Variants in PDCD1LG2 observed in about 807,000 individuals in gnomAD.
PDCD1LG2 encodes the protein programmed cell death 1 ligand 2.
PDCD1LG2 carries 32 observed loss-of-function variants against 28.2 expected under a neutral mutation model. The ratio of observed to expected loss-of-function variants is 1.13; its 90% confidence interval spans 0.86 to 1.52. The LOEUF (loss-of-function observed/expected upper bound fraction) is 1.52, where lower values mean the gene tolerates loss of function less well. Among genes scored for constraint, PDCD1LG2 ranks in the 40% most tolerant of loss-of-function variants. The pLI, the probability that PDCD1LG2 is intolerant of heterozygous loss-of-function variation, is 0.00. For missense variants in PDCD1LG2, 385 were observed against 323.8 expected, an observed-to-expected ratio of 1.19 and a Z score of -1.45; for synonymous variants, 116 against 120.2, an observed-to-expected ratio of 0.97 and a Z score of 0.23.
At chr9:5,532,563 T>C (rs1479446633) in intron 2 of PDCD1LG2, among the ~76,000 whole-genome samples, 1 of 152,222 alleles carries the variant, frequency 6.6e-6, no homozygotes, top group Non-Finnish European at 1.5e-5. Context: ...AGGTACTGGA[T>C]ATATCAAAGC....
At chr9:5,563,258 C>T in intron 6 of PDCD1LG2, 47 bp downstream of exon 6, 1 of 1,504,786 alleles carries the variant, frequency 6.6e-7, no homozygotes, top group Non-Finnish European at 9.2e-7. Flanking sequence ...TCTTTTCTCT[C>T]TCAGCTTGAA....
rs2129872747 is a variant in PDCD1LG2, at chr9:5,549,284, T to C, written c.362-51T>C. On this transcript the variant is annotated intron_variant, in intron 3 of 6. Coordinates refer to ENST00000397747, the MANE Select transcript of PDCD1LG2 (RefSeq NM_025239.4). ...TCACATGGCATGAAGTACCAAGCTCTATAGGAATCAGAAAATAAAGTCTTA... is the reference window on the plus strand; with the variant it reads ...TCACATGGCATGAAGTACCAAGCTCCATAGGAATCAGAAAATAAAGTCTTA... 5 of 1,536,326 alleles carry C rather than the reference T, an allele frequency of 3.3e-6. 1 individual carries two copies. Among genetic ancestry groups the C allele is most frequent in the South Asian group, 1.2e-5 (1 of 82,456 alleles).
intron 1 of PDCD1LG2, among the ~76,000 whole-genome samples, chr9:5,516,360 T>C (rs1439278289): frequency 1.3e-5 from 2 of 151,678 alleles, no homozygotes; most frequent in East Asian, 3.9e-4. Context: ...GAGTCCAGGG[T>C]TTTTACAGGC....
chr9:5,541,746 T>C (rs1264681505), intron 3 of PDCD1LG2, among the ~76,000 whole-genome samples: 4 of 151,962 alleles, frequency 2.6e-5, no homozygotes, highest in Admixed American at 6.5e-5. Context: ...CCATACTTTG[T>C]AGATTGCAAA....
chr9:5,533,503 T>C (rs1267654152), intron 2 of PDCD1LG2, among the ~76,000 whole-genome samples: 2 of 152,200 alleles, frequency 1.3e-5, no homozygotes, highest in African/African-American at 4.8e-5. Context: ...CAGATACTGT[T>C]ATCTACCCGG....
At chr9:5,520,037 C>G (rs1308218254) in intron 1 of PDCD1LG2, among the ~76,000 whole-genome samples, 1 of 152,072 alleles carries the variant, frequency 6.6e-6, no homozygotes, top group Non-Finnish European at 1.5e-5. Flanking sequence ...CAATGCAATC[C>G]CTACCAAAAT....
chr9:5,543,410 G>T (rs1039639676), intron 3 of PDCD1LG2, among the ~76,000 whole-genome samples: 5 of 152,052 alleles, frequency 3.3e-5, no homozygotes, highest in African/African-American at 1.2e-4. Context: ...GTGGTGGCAG[G>T]CACCTGCAGT....
Position 5,534,758 on chromosome 9 carries a change from G to A in PDCD1LG2, c.69G>A (p.Val23=), listed in dbSNP as rs2129791987. The change falls in exon 3 of 7, where the codon GTG becomes GTA. Residue 23 remains valine, a synonymous_variant. Transcript: ENST00000397747. ...QLHQIAALFT[V]TVPKELYIIE... is the part of the protein sequence containing the mutation. ...TTTTCTTTTCAGCTTTATTCACAGT[G>A]ACAGTCCCTAAGGAACTGTACATAA... 6.2e-7 allele frequency: 1 copy of A among 1,600,492 alleles called. No individual in the cohort carries two copies. The highest frequency in any genetic ancestry group is 1.1e-5 in the South Asian group (1 of 90,028).
intron 3 of PDCD1LG2, among the ~76,000 whole-genome samples, chr9:5,543,576 G>C (rs1418192468): frequency 1.4e-5 from 2 of 146,016 alleles, no homozygotes; most frequent in African/African-American, 5.1e-5. Flanking sequence ...TTCACCCTAA[G>C]AAGGAAGAAA....
intron 6 of PDCD1LG2, among the ~76,000 whole-genome samples, chr9:5,564,365 G>A (rs1816623198): frequency 1.3e-5 from 2 of 152,180 alleles, no homozygotes; most frequent in South Asian, 2.1e-4. Flanking sequence ...GTATTTGGAT[G>A]CAATAGCAAT....
chr9:5,516,568 C>T (rs937384905), intron 1 of PDCD1LG2, among the ~76,000 whole-genome samples: 3 of 152,242 alleles, frequency 2.0e-5, no homozygotes, highest in African/African-American at 4.8e-5. Context: ...ACCTGTCTCC[C>T]TCTTGCCATC....
chr9:5,525,950 G>C (rs933194752), intron 2 of PDCD1LG2, among the ~76,000 whole-genome samples: 1 of 151,882 alleles, frequency 6.6e-6, no homozygotes, highest in Admixed American at 6.6e-5. Flanking sequence ...GGGAGTCTGA[G>C]GCAGGAGAAT....
chr9:5,534,333 A>C (rs1741779602), intron 2 of PDCD1LG2, among the ~76,000 whole-genome samples: 1 of 152,238 alleles, frequency 6.6e-6, no homozygotes, highest in South Asian at 2.1e-4. Flanking sequence ...ACATGAGCTC[A>C]GACCTTGATG....
intron 1 of PDCD1LG2, among the ~76,000 whole-genome samples, chr9:5,518,328 G>C (rs1223880422): frequency 6.6e-6 from 1 of 152,232 alleles, no homozygotes; most frequent in Non-Finnish European, 1.5e-5. Flanking sequence ...CTGTTCCTCG[G>C]TTTGCTCAAG....
chr9:5,519,895 C>G (rs977612421), intron 1 of PDCD1LG2, among the ~76,000 whole-genome samples: 5 of 152,192 alleles, frequency 3.3e-5, no homozygotes, highest in Non-Finnish European at 5.9e-5. Flanking sequence ...TATATCTAGC[C>G]TGTCAGCAGT....
chr9:5,525,776 T>C (rs77350711), intron 2 of PDCD1LG2, among the ~76,000 whole-genome samples: 2,311 of 152,040 alleles, frequency 0.015, 44 homozygotes, highest in African/African-American at 0.043. Flanking sequence ...AGGCCGGGCA[T>C]GGTGGCTCAC....
chr9:5,552,287 C>T (rs1052555579), intron 4 of PDCD1LG2, among the ~76,000 whole-genome samples: 1 of 152,110 alleles, frequency 6.6e-6, no homozygotes, highest in Non-Finnish European at 1.5e-5. Context: ...TTTTTCTTTG[C>T]TCACTGGTCT....
At chr9:5,525,331 T>A in intron 2 of PDCD1LG2, among the ~76,000 whole-genome samples, 1 of 139,000 alleles carries the variant, frequency 7.2e-6, no homozygotes, top group South Asian at 2.3e-4. Context: ...GGTGACAGAG[T>A]GAGATTCCAT....
intron 2 of PDCD1LG2, among the ~76,000 whole-genome samples, chr9:5,532,269 C>T (rs1586801173): frequency 6.6e-6 from 1 of 152,328 alleles, no homozygotes; most frequent in East Asian, 1.9e-4. Flanking sequence ...CACACGTGAA[C>T]TCCTCTCTGT....
Sources: gnomAD v4.1 joint callset for allele counts (sites outside exome capture counted in the v4.1 genomes callset) on GRCh38, gnomAD v4.1.1 for gene constraint, MANE v1.5 for transcripts, NCBI Gene and HGNC (gene_info 2026-07-23, HGNC 2026-07-21) for gene names.